Variants in IFI16 observed in about 807,000 individuals in gnomAD.
IFI16 encodes the protein interferon gamma inducible protein 16, also known as gamma-interferon-inducible protein 16.
IFI16 carries 49 observed loss-of-function variants against 68.4 expected under a neutral mutation model. That is an observed-to-expected ratio of 0.72 (90% CI 0.57 to 0.91). The LOEUF (loss-of-function observed/expected upper bound fraction) is 0.91, where lower values mean the gene tolerates loss of function less well. Ranked by LOEUF, IFI16 falls within the 40% of genes least tolerant of loss-of-function variation. The probability of loss-of-function intolerance (pLI) is 0.00; values close to 1 mark genes in which losing one functional copy is unlikely to be tolerated. For synonymous variants in IFI16, 307 were observed against 315.0 expected, an observed-to-expected ratio of 0.97 and a Z score of 0.27; for missense variants, 878 against 942.9, an observed-to-expected ratio of 0.93 and a Z score of 0.90.
intron 10 of IFI16, chr1:159,053,199 A>G: frequency 5.4e-6 from 1 of 184,110 alleles, no homozygotes; most frequent in Non-Finnish European, 1.1e-5. Context: ...TGTGAAAGAA[A>G]CCTACCAAAT....
chr1:159,034,730 G>A (rs1350004806), intron 7 of IFI16, among the ~76,000 whole-genome samples: 1 of 152,054 alleles, frequency 6.6e-6, no homozygotes, highest in Admixed American at 6.6e-5. Flanking sequence ...GTTCTCTCTG[G>A]TCCTCCCTTT....
intron 6 of IFI16, among the ~76,000 whole-genome samples, chr1:159,027,088 A>G (rs918454935): frequency 6.6e-6 from 1 of 152,182 alleles, no homozygotes; most frequent in Non-Finnish European, 1.5e-5. Context: ...GAGAGTAGGC[A>G]TCCTTGTCTT....
intron 10 of IFI16, 125 bp downstream of exon 10, chr1:159,052,223 A>G: frequency 1.5e-6 from 1 of 666,738 alleles, no homozygotes; most frequent in South Asian, 1.9e-5. Context: ...CCCTTCCCCC[A>G]GCACTAGAGA....
At position 159,018,393 on chromosome 1, in the gene IFI16, G is replaced by A. The variant is rs781393973; in HGVS notation, c.714G>A (p.Gln238=). 3.7e-6 allele frequency: 6 copies of A among 1,614,060 alleles called. No homozygotes were observed. Among genetic ancestry groups the A allele is most frequent in the Non-Finnish European group, 5.1e-6 (6 of 1,180,012 alleles). The change falls in exon 5 of 12, where the codon CAG becomes CAA. Residue 238 remains glutamine (Q), a synonymous_variant. Transcript: ENST00000295809. ...MFHATVATQT[Q]FFHVKVLNTS... ...ATGCTACAGTGGCTACACAGACACAGTTCTTCCATGTGAAGGTTTTAAACA... is the reference window on the plus strand; with the variant it reads ...ATGCTACAGTGGCTACACAGACACAATTCTTCCATGTGAAGGTTTTAAACA...
At chr1:159,000,348 T>C (rs2101767017) in exon 1 of IFI16, 1 of 216,828 alleles carries the variant, frequency 4.6e-6, no homozygotes, top group East Asian at 1.0e-4. Context: ...ATCCAAACTA[T>C]GTAAGATTAT....
intron 6 of IFI16, among the ~76,000 whole-genome samples, chr1:159,022,218 C>T (rs2101837469): frequency 6.6e-6 from 1 of 152,280 alleles, no homozygotes; most frequent in African/African-American, 2.4e-5. Context: ...CCCGCCTCGG[C>T]CTCCCAAAGT....
intron 5 of IFI16, among the ~76,000 whole-genome samples, 160 bp downstream of exon 5, chr1:159,018,811 G>A (rs1257996751): frequency 6.6e-6 from 1 of 152,168 alleles, no homozygotes; most frequent in Non-Finnish European, 1.5e-5. Flanking sequence ...ATAAGACTGG[G>A]ATTAGGGGAC....
rs1483228232 is a variant in IFI16, at chr1:159,018,316, A to G, written c.637A>G (p.Thr213Ala). 8.7e-6 allele frequency: 14 copies of G among 1,613,998 alleles called. No individual in the cohort carries two copies. Among genetic ancestry groups the G allele is most frequent in the African/African-American group, 2.7e-5 (2 of 74,926 alleles). ...AGTGATAGTGAAGGTACTGAGTACA[A>G]CAAAGCCATTTGAATATGAGACCCC... ...RPVIVKVLST[T>A]KPFEYETPEM... The change falls in exon 5 of 12, where the codon ACA (threonine) becomes GCA (alanine). Residue 213 changes from threonine (T) to alanine (A), a missense_variant. This residue lies in a region of IFI16 where 443 missense variants were observed against 421.8 expected (regional missense o/e 1.05). Coordinates refer to ENST00000295809, the MANE Select transcript of IFI16 (RefSeq NM_001376587.1).
intron 4 of IFI16, among the ~76,000 whole-genome samples, chr1:159,017,858 T>G (rs575124569): frequency 6.6e-6 from 1 of 152,214 alleles, no homozygotes; most frequent in African/African-American, 2.4e-5. Context: ...TCCACCCGCC[T>G]CGGCGTTTCA....
intron 6 of IFI16, among the ~76,000 whole-genome samples, chr1:159,024,432 A>C (rs996470272): frequency 1.3e-5 from 2 of 152,228 alleles, no homozygotes; most frequent in African/African-American, 4.8e-5. Flanking sequence ...TACATTGATA[A>C]GGGCTGACAG....
chr1:159,047,008 T>C (rs1452918902), intron 8 of IFI16, among the ~76,000 whole-genome samples: 2 of 151,258 alleles, frequency 1.3e-5, no homozygotes, highest in African/African-American at 2.4e-5. Context: ...TGTTCTGCCC[T>C]GATACCTCTG....
intron 6 of IFI16, among the ~76,000 whole-genome samples, chr1:159,021,824 G>A (rs186219640): frequency 8.8e-4 from 133 of 151,806 alleles, no homozygotes; most frequent in African/African-American, 3.1e-3. Context: ...TCATTTTGTG[G>A]TTTTGATTTG....
At chr1:159,034,774 T>C (rs1654218911) in intron 7 of IFI16, among the ~76,000 whole-genome samples, 2 of 152,302 alleles carry the variant, frequency 1.3e-5, no homozygotes, top group African/African-American at 4.8e-5. Context: ...TTTTTCCTAA[T>C]AGCATTTAAA....
intron 6 of IFI16, 103 bp downstream of exon 6, chr1:159,020,632 G>T (rs1012822711): frequency 1.4e-5 from 10 of 699,836 alleles, no homozygotes; most frequent in Admixed American, 3.0e-5. Context: ...AGTTCAGCGG[G>T]AGGCATGAGA....
At position 159,051,716 on chromosome 1, in the gene IFI16, C is replaced by T. The variant is rs62621173; in HGVS notation, c.1703C>T (p.Ser568Phe). 63,364 of 1,613,160 alleles carry T rather than the reference C, an allele frequency of 0.039. 1,432 individuals carry two copies. The highest frequency in any genetic ancestry group is 0.044 in the Non-Finnish European group (51,630 of 1,179,286). The change falls in exon 10 of 12, where the codon TCC becomes TTC. Residue 568 changes from serine to phenylalanine, a missense_variant. This residue lies in a region of IFI16 where 311 missense variants were observed against 305.1 expected (regional missense o/e 1.02). Transcript: ENST00000295809. ...PRLKTEPEEV[S>F]IEDSAQSDLK... ...CTGAAGACTGAACCTGAAGAAGTTTCCATAGAAGACAGTGCCCAGAGTGAC... is the reference window on the plus strand; with the variant it reads ...CTGAAGACTGAACCTGAAGAAGTTTTCATAGAAGACAGTGCCCAGAGTGAC...
chr1:159,015,961 G>A lies in IFI16; in HGVS notation c.355G>A (p.Gly119Arg). The A allele has an allele frequency of 1.9e-6, 3 of 1,613,942 alleles. No homozygotes were observed. The highest frequency in any genetic ancestry group is 2.5e-6 in the Non-Finnish European group (3 of 1,179,818). The change falls in exon 3 of 12, where the codon GGA (glycine) becomes AGA (arginine). Residue 119 changes from glycine (G) to arginine (R), a missense_variant. Coordinates refer to ENST00000295809, the MANE Select transcript of IFI16 (RefSeq NM_001376587.1). ...CACAAGCAGCACTGTCAAAACTGAA[G>A]GAGCAGAGGCAACTCCTGGAGCTCA... ...PSTSSTVKTE[G>R]AEATPGAQKR...
At chr1:159,008,993 C>T (rs1018299143), upstream of IFI16, 1 of 152,070 alleles carries the variant, frequency 6.6e-6, no homozygotes, top group East Asian at 1.9e-4. Flanking sequence ...TAGTTGATGC[C>T]ATTTATTTGA....
At chr1:159,052,308 C>T in intron 10 of IFI16, 1 of 555,080 alleles carries the variant, frequency 1.8e-6, no homozygotes, top group Non-Finnish European at 3.2e-6. Flanking sequence ...TATCATCATG[C>T]AAGTTATTTA....
At chr1:159,025,550 G>A (rs1210023846) in intron 6 of IFI16, among the ~76,000 whole-genome samples, 9 of 151,908 alleles carry the variant, frequency 5.9e-5, no homozygotes, top group Admixed American at 3.9e-4. Flanking sequence ...TGATTTGCTT[G>A]AGTTCCTCAT....
Sources: allele counts gnomAD v4.1 joint callset (sites outside exome capture counted in the v4.1 genomes callset), GRCh38; gene constraint gnomAD v4.1.1; regional missense constraint gnomAD v4.1.1; transcripts MANE v1.5; gene names NCBI Gene and HGNC (gene_info 2026-07-23, HGNC 2026-07-21).